MYO10: variants seen among roughly 807,000 people sequenced by gnomAD.
MYO10 encodes the protein myosin X.
A neutral mutation model predicts 257.3 loss-of-function variants in MYO10; 133 were observed. That is an observed-to-expected ratio of 0.52 (90% CI 0.45 to 0.60). The LOEUF is 0.60. Among genes scored for constraint, MYO10 ranks in the 20% least tolerant of loss-of-function variants. The probability of loss-of-function intolerance (pLI) is 0.00; values close to 1 mark genes in which losing one functional copy is unlikely to be tolerated. For missense variants in MYO10, 2,399 were observed against 2,635.7 expected (o/e 0.91, Z 1.97); for synonymous variants, 1,104 against 1,028.6 (o/e 1.07, Z -1.40).
intron 14 of MYO10, among the ~76,000 whole-genome samples, chr5:16,762,959 G>A (rs1278294447): frequency 2.2e-5 from 3 of 136,682 alleles, no homozygotes; most frequent in Non-Finnish European, 3.1e-5. Context: ...GTGAGACTCC[G>A]TCTCAGGGGA....
At chr5:16,757,301 A>AACACACACACACACAAAC (rs71595978) in intron 18 of MYO10, among the ~76,000 whole-genome samples, 4 of 84,346 alleles carry the variant, frequency 4.7e-5, no homozygotes, top group African/African-American at 1.9e-4. Flanking sequence ...CACACACACA[A>AACACACACACACACAAAC]ACACACACAC....
intron 9 of MYO10, among the ~76,000 whole-genome samples, chr5:16,778,488 G>T (rs1359640374): frequency 6.6e-6 from 1 of 152,174 alleles, no homozygotes; most frequent in East Asian, 1.9e-4. Flanking sequence ...CTTTTGGGTC[G>T]ATGAGGGAAC....
At chr5:16,681,248 C>A in intron 32 of MYO10, 61 bp downstream of exon 32, 1 of 1,502,374 alleles carries the variant, frequency 6.7e-7, no homozygotes, top group Non-Finnish European at 9.0e-7. Flanking sequence ...TATTCCTTTG[C>A]CCGGAGCAAG....
At chr5:16,718,159 G>A (rs1337351302) in intron 19 of MYO10, among the ~76,000 whole-genome samples, 3 of 152,356 alleles carry the variant, frequency 2.0e-5, no homozygotes, top group African/African-American at 2.4e-5. Context: ...GCTGTGCTCT[G>A]TTTCTCGCTG....
chr5:16,936,044 T>C lies in MYO10; in HGVS notation c.-236A>G. 3.5e-6 allele frequency: 2 copies of C among 571,602 alleles called. No individual in the cohort carries two copies. The highest frequency in any genetic ancestry group is 6.3e-6 in the Non-Finnish European group (2 of 318,990). 35.4% of individuals were successfully genotyped at this position (571,602 alleles called of 1,614,324 possible). A position where few individuals can be genotyped will look rare whatever the true frequency, so the allele number is the denominator to read the frequency against. On this transcript the variant is annotated 5_prime_UTR_variant, in exon 1 of 41. Transcript: ENST00000513610. ...AGCCTTTGTCTCTTCTTCCTCCAAG[T>C]TCCTCACTACTGGGCGCAGCGCTCG...
At chr5:16,763,403 G>T in intron 14 of MYO10, 78 bp downstream of exon 14, 1 of 1,125,306 alleles carries the variant, frequency 8.9e-7, no homozygotes, top group Non-Finnish European at 1.3e-6. Context: ...GTTCGTGCAC[G>T]TTATTTTGTT....
chr5:16,805,703 C>T (rs531066798), intron 3 of MYO10, among the ~76,000 whole-genome samples: 27 of 152,222 alleles, frequency 1.8e-4, no homozygotes, highest in Admixed American at 1.4e-3. Context: ...ATAAGCTGGT[C>T]GGTTTAATGG....
At chr5:16,844,836 T>C (rs1320497619) in intron 2 of MYO10, among the ~76,000 whole-genome samples, 1 of 120,552 alleles carries the variant, frequency 8.3e-6, no homozygotes, top group Non-Finnish European at 1.7e-5. Flanking sequence ...TGCTAAGAAA[T>C]GGGGTGGGGG....
At chr5:16,685,962 G>C (rs955115459) in intron 28 of MYO10, 131 bp from the exon 29 acceptor site, 1 of 667,270 alleles carries the variant, frequency 1.5e-6, no homozygotes, top group African/African-American at 1.8e-5. Flanking sequence ...TTACTTCTTA[G>C]GGGTAAATGT....
chr5:16,699,416 C>A (rs766271692), intron 26 of MYO10, 34 bp downstream of exon 26: 9 of 1,609,128 alleles, frequency 5.6e-6, no homozygotes, highest in Admixed American at 1.7e-5. Flanking sequence ...TCGCTCTCCC[C>A]CTAACCCAGA....
intron 3 of MYO10, among the ~76,000 whole-genome samples, chr5:16,806,524 C>CGTA (rs1193412114): frequency 6.6e-6 from 1 of 151,592 alleles, no homozygotes; most frequent in African/African-American, 2.4e-5. Flanking sequence ...GCGCCTACTA[C>CGTA]GTAGTCCCAG....
chr5:16,724,328 G>C lies in MYO10; in HGVS notation c.1930-13083C>G, dbSNP rs1739271292. Among the ~76,000 whole-genome samples the C allele has an allele frequency of 1.3e-5, 2 of 152,112 alleles. 1 individual carries two copies. Among genetic ancestry groups the C allele is most frequent in the African/African-American group, 4.8e-5 (2 of 41,422 alleles). ...GTACACTGGAATTAAACAAAAAAAT[G>C]AATGGCAGATGATGGGAGCCAGGTT... On this transcript the variant is annotated intron_variant, in intron 19 of 40. Coordinates refer to ENST00000513610, the MANE Select transcript of MYO10 (RefSeq NM_012334.3).
At chr5:16,761,847 A>G (rs963171694) in intron 16 of MYO10, among the ~76,000 whole-genome samples, 198 bp downstream of exon 16, 1 of 151,780 alleles carries the variant, frequency 6.6e-6, no homozygotes, top group African/African-American at 2.4e-5. Flanking sequence ...GATGTTTTTT[A>G]TATCTATGTT....
intron 1 of MYO10, among the ~76,000 whole-genome samples, chr5:16,906,359 T>C (rs1009196270): frequency 6.6e-6 from 1 of 152,156 alleles, no homozygotes; most frequent in Non-Finnish European, 1.5e-5. Context: ...TGCATAACCA[T>C]ATCCTGAGGA....
In MYO10 at chr5:16,729,153, A is replaced by T. The variant is rs150220354; in HGVS notation, c.1930-17908T>A. ...TCAATTTTGAGTTAAAGCTCCTAAG[A>T]TATTTATTTGTATTGGTGTATATAA... On this transcript the variant is annotated intron_variant, in intron 19 of 40. Coordinates refer to ENST00000513610, the MANE Select transcript of MYO10 (RefSeq NM_012334.3). 3.4e-3 allele frequency among the ~76,000 whole-genome samples: 516 copies of T among 152,264 alleles called. 2 individuals are homozygous for T. Among genetic ancestry groups the T allele is most frequent in the Non-Finnish European group, 3.8e-3 (261 of 68,014 alleles).
At chr5:16,909,904 T>C (rs888944119) in intron 1 of MYO10, among the ~76,000 whole-genome samples, 2 of 152,146 alleles carry the variant, frequency 1.3e-5, no homozygotes, top group African/African-American at 4.8e-5. Context: ...CCCTCTCTAT[T>C]GCTTCCTCTC....
intron 19 of MYO10, among the ~76,000 whole-genome samples, chr5:16,720,876 T>C (rs1006449653): frequency 6.6e-6 from 1 of 152,236 alleles, no homozygotes; most frequent in Non-Finnish European, 1.5e-5. Flanking sequence ...TGGAGATTAG[T>C]ATGCCACTAT....
intron 3 of MYO10, among the ~76,000 whole-genome samples, chr5:16,806,647 C>CA (rs11378656): frequency 0.5 from 72,492 of 143,724 alleles, 18,924 homozygotes; most frequent in East Asian, 0.76. Context: ...GACTCCGTCT[C>CA]AAAAAAAAAA....
intron 19 of MYO10, among the ~76,000 whole-genome samples, chr5:16,716,789 C>T (rs750219924): frequency 5.9e-5 from 9 of 151,852 alleles, no homozygotes; most frequent in Non-Finnish European, 7.4e-5. Context: ...TTGTAGATAA[C>T]GAGACTGGAA....
Sources: allele counts gnomAD v4.1 joint callset (sites outside exome capture counted in the v4.1 genomes callset), GRCh38; gene constraint gnomAD v4.1.1; transcripts MANE v1.5; gene names NCBI Gene and HGNC (gene_info 2026-07-23, HGNC 2026-07-21).